The following RANBP2 variants were observed in gnomAD, a reference collection of about 807,000 sequenced individuals.
The protein encoded by RANBP2 is RAN binding protein 2.
A neutral mutation model predicts 303.6 loss-of-function variants in RANBP2; 57 were observed. That is an observed-to-expected ratio of 0.19 (90% CI 0.15 to 0.23). The LOEUF (loss-of-function observed/expected upper bound fraction) is 0.23, where lower values mean the gene tolerates loss of function less well. Among genes scored for constraint, RANBP2 ranks in the 10% least tolerant of loss-of-function variants. RANBP2 has a pLI of 1.00. For missense variants in RANBP2, 3,138 were observed against 3,780.8 expected (o/e 0.83, Z 4.46); for synonymous variants, 1,167 against 1,301.5 (o/e 0.90, Z 2.23).
chr2:108,827,852 A>G, the RANBP2 span, among the ~76,000 whole-genome samples: 23 of 151,728 alleles, frequency 1.5e-4, no homozygotes, highest in Admixed American at 1.3e-4. Flanking sequence ...TTTAAAGATT[A>G]CATTACATAC....
chr2:108,991,962 T>C, the RANBP2 span, among the ~76,000 whole-genome samples: 2 of 152,074 alleles, frequency 1.3e-5, no homozygotes, highest in Non-Finnish European at 2.9e-5. Context: ...ACTGCTCCCA[T>C]CTAATTTTTG....
chr2:109,228,733 T>A, the RANBP2 span, among the ~76,000 whole-genome samples: 1 of 152,110 alleles, frequency 6.6e-6, no homozygotes, highest in African/African-American at 2.4e-5. Flanking sequence ...TAGGGCGAGG[T>A]CTGGAAGGGT....
At chr2:109,524,581 A>T in the RANBP2 span, among the ~76,000 whole-genome samples, 1 of 151,770 alleles carries the variant, frequency 6.6e-6, no homozygotes, top group Non-Finnish European at 1.5e-5. Flanking sequence ...ACATGGTGAA[A>T]CCCTGTCTCT....
chr2:109,363,448 G>A, the RANBP2 span, among the ~76,000 whole-genome samples: 1 of 152,056 alleles, frequency 6.6e-6, no homozygotes. Context: ...ACACACATAA[G>A]CATAAAATGA....
chr2:108,850,474 CAG>C, the RANBP2 span, among the ~76,000 whole-genome samples: 1 of 152,020 alleles, frequency 6.6e-6, no homozygotes, highest in East Asian at 1.9e-4. Context: ...TTTTTGGAGA[CAG>C]AGTTTCACCC....
At chr2:109,669,096 A>G in the RANBP2 span, among the ~76,000 whole-genome samples, 6 of 152,218 alleles carry the variant, frequency 3.9e-5, no homozygotes, top group African/African-American at 1.4e-4. Context: ...CAAAGACACC[A>G]AGAAAATACA....
chr2:109,675,744 C>T, the RANBP2 span, among the ~76,000 whole-genome samples: 1 of 152,182 alleles, frequency 6.6e-6, no homozygotes, highest in Non-Finnish European at 1.5e-5. Flanking sequence ...TCAGTTGTAG[C>T]CCAGGCCTCC....
At chr2:109,515,878 G>A in the RANBP2 span, among the ~76,000 whole-genome samples, 20 of 152,014 alleles carry the variant, frequency 1.3e-4, no homozygotes, top group Non-Finnish European at 2.6e-4. Flanking sequence ...CGCCAGGAAC[G>A]CACCAAGCCA....
the RANBP2 span, among the ~76,000 whole-genome samples, chr2:109,230,328 C>T: frequency 6.6e-6 from 1 of 152,134 alleles, no homozygotes; most frequent in Non-Finnish European, 1.5e-5. Context: ...GTAAACCCAG[C>T]ACTTCCGAGA....
intron 26 of RANBP2, 144 bp downstream of exon 26, chr2:108,781,573 C>G (rs1678260781): frequency 2.8e-6 from 2 of 710,494 alleles, no homozygotes; most frequent in Non-Finnish European, 2.3e-6. Context: ...AGATGTCTAG[C>G]CTTTAAGTAT....
At chr2:109,168,578 G>A in the RANBP2 span, among the ~76,000 whole-genome samples, 1 of 152,212 alleles carries the variant, frequency 6.6e-6, no homozygotes. Flanking sequence ...TCTTCGGACT[G>A]TAATGTTGCC....
chr2:109,562,260 C>T, the RANBP2 span, among the ~76,000 whole-genome samples: 1 of 151,696 alleles, frequency 6.6e-6, no homozygotes, highest in African/African-American at 2.4e-5. Context: ...AAATACATGT[C>T]TTAAGCATGC....
the RANBP2 span, among the ~76,000 whole-genome samples, chr2:109,529,385 C>T: frequency 8.5e-5 from 13 of 152,186 alleles, 1 homozygote; most frequent in African/African-American, 1.4e-4. Flanking sequence ...ATGGAAGCTG[C>T]GGGAACAGAT....
chr2:108,929,702 G>A, the RANBP2 span, among the ~76,000 whole-genome samples: 2 of 152,142 alleles, frequency 1.3e-5, no homozygotes, highest in East Asian at 1.9e-4. Context: ...TACAAGAACC[G>A]GACACTGAAA....
At chr2:108,721,135 A>G (rs768787339) in intron 1 of RANBP2, among the ~76,000 whole-genome samples, 15 of 152,322 alleles carry the variant, frequency 9.8e-5, no homozygotes, top group South Asian at 6.2e-4. Context: ...ATCGTAACTA[A>G]GCATAGGTTA....
the RANBP2 span, among the ~76,000 whole-genome samples, chr2:108,972,560 T>C: frequency 6.6e-6 from 1 of 152,238 alleles, no homozygotes; most frequent in Non-Finnish European, 1.5e-5. Context: ...GTAGGTGACC[T>C]GGGTTCAGAA....
the RANBP2 span, among the ~76,000 whole-genome samples, chr2:108,833,894 ATTTTTTTTTTT>A: frequency 5.0e-5 from 4 of 79,220 alleles, no homozygotes; most frequent in African/African-American, 1.0e-4. Flanking sequence ...CGCCCGGCTA[ATTTTTTTTTTT>A]TTTTTTTTTT....
the RANBP2 span, among the ~76,000 whole-genome samples, chr2:109,629,533 C>A: frequency 6.6e-6 from 1 of 151,514 alleles, no homozygotes; most frequent in Non-Finnish European, 1.5e-5. Context: ...GTGTATGAGG[C>A]GAGGCACAAT....
chr2:109,068,799 C>T, the RANBP2 span, among the ~76,000 whole-genome samples: 1 of 152,236 alleles, frequency 6.6e-6, no homozygotes, highest in African/African-American at 2.4e-5. Flanking sequence ...TCCTCCTCAT[C>T]TGGCAAGCTG....
Sources: gnomAD v4.1 joint callset for allele counts (sites outside exome capture counted in the v4.1 genomes callset) on GRCh38, gnomAD v4.1.1 for gene constraint, MANE v1.5 for transcripts, NCBI Gene and HGNC (gene_info 2026-07-23, HGNC 2026-07-21) for gene names.